PUS10: variants seen among roughly 807,000 people sequenced by gnomAD.
The protein encoded by PUS10 is pseudouridine synthase 10, also known as tRNA pseudouridine synthase Pus10.
A neutral mutation model predicts 75.0 loss-of-function variants in PUS10; 59 were observed. That is an observed-to-expected ratio of 0.79 (90% CI 0.64 to 0.98). The LOEUF (loss-of-function observed/expected upper bound fraction) is 0.98, where lower values mean the gene tolerates loss of function less well. Ranked by LOEUF, PUS10 falls within the 50% of genes least tolerant of loss-of-function variation. The pLI is 0.00. For missense variants in PUS10, 650 were observed against 614.4 expected, an observed-to-expected ratio of 1.06 and a Z score of -0.61; for synonymous variants, 219 against 211.6, an observed-to-expected ratio of 1.03 and a Z score of -0.30.
chr2:60,997,523 T>C (rs1291216879), intron 4 of PUS10, among the ~76,000 whole-genome samples: 54 of 144,340 alleles, frequency 3.7e-4, no homozygotes, highest in African/African-American at 2.6e-5. Flanking sequence ...GGCAGGAGAA[T>C]GGCGTGAACC....
rs753678972 is a variant in PUS10 at position 60,953,160 on chromosome 2, CA to C, written c.1191-47del. The stretch of plus-strand genomic sequence containing the variant: ...GAAGTTTGTCCAAATAAACAAAATA[CA>C]AAAAAACCTTGCCCTGAATTAGCCT... On this transcript the variant is annotated intron_variant, in intron 14 of 17. Transcript: ENST00000316752. 1.5e-5 allele frequency: 16 copies of C among 1,047,060 alleles called. No homozygotes were observed. In the South Asian group the frequency reaches 1.7e-4, roughly 11 times the overall value. The allele number at this position is 1,047,060 out of a possible 1,614,324, so 64.9% of individuals were successfully genotyped here. A position where few individuals can be genotyped will look rare whatever the true frequency, so the allele number is the denominator to read the frequency against.
chr2:60,955,286 G>A (rs931670850), intron 11 of PUS10, among the ~76,000 whole-genome samples: 2 of 151,786 alleles, frequency 1.3e-5, no homozygotes, highest in Admixed American at 6.6e-5. Flanking sequence ...TATATGCCAG[G>A]CATTGGACTA....
Position 61,018,010 on chromosome 2 carries a change from G to T in PUS10, c.-18C>A. On this transcript the variant is annotated splice_region_variant and 5_prime_UTR_variant, in exon 1 of 18. In the 5' UTR this introduces an upstream ATG that the reference lacks. Transcript: ENST00000316752. ...CGAGGTGGAGCTGGGGCGCTTACCA[G>T]TGGGGACTTTAGTGTCTCACAGCTG... 1.5e-6 allele frequency: 2 copies of T among 1,364,612 alleles called. No homozygotes were observed. Among genetic ancestry groups the T allele is most frequent in the East Asian group, 5.0e-5 (2 of 39,968 alleles). The allele number at this position is 1,364,612 out of a possible 1,614,324, so 84.5% of individuals were successfully genotyped here.
At chr2:60,980,793 A>G in intron 4 of PUS10, among the ~76,000 whole-genome samples, 1 of 152,262 alleles carries the variant, frequency 6.6e-6, no homozygotes, top group East Asian at 1.9e-4. Context: ...TATTCAAAGA[A>G]GATTTAAAGA....
intron 4 of PUS10, among the ~76,000 whole-genome samples, chr2:60,998,595 C>T (rs981171180): frequency 2.6e-5 from 4 of 151,716 alleles, no homozygotes; most frequent in Admixed American, 1.3e-4. Flanking sequence ...GAGGCTGAAG[C>T]GGGAGAATCG....
intron 4 of PUS10, among the ~76,000 whole-genome samples, chr2:60,990,689 G>A (rs1331873945): frequency 6.6e-6 from 1 of 152,180 alleles, no homozygotes; most frequent in Non-Finnish European, 1.5e-5. Flanking sequence ...CCTCTCTGGA[G>A]GAGAACATTA....
intron 5 of PUS10, among the ~76,000 whole-genome samples, chr2:60,967,889 A>T (rs1450810644): frequency 6.6e-6 from 1 of 152,122 alleles, no homozygotes; most frequent in Non-Finnish European, 1.5e-5. Flanking sequence ...GGTTTTTCTA[A>T]GCTAGAATTG....
rs573252291 is a variant in PUS10 at position 60,964,809 on chromosome 2, C to T, written c.723+249G>A. 3.0e-4 allele frequency among the ~76,000 whole-genome samples: 45 copies of T among 152,284 alleles called. No homozygotes were observed. The South Asian group carries it at 8.3e-3, about 28-fold the overall frequency. On this transcript the variant is annotated intron_variant, in intron 8 of 17. Transcript: ENST00000316752. ...ACTGAAACACTGATTCTAAATTTAA[C>T]ATCGTCAGGGGAACAATCTAGACAC...
chr2:60,968,518 T>C (rs1327166489), intron 5 of PUS10, among the ~76,000 whole-genome samples: 3 of 152,044 alleles, frequency 2.0e-5, no homozygotes, highest in Non-Finnish European at 4.4e-5. Context: ...TTACTCCTTA[T>C]AGGCAACATC....
intron 4 of PUS10, among the ~76,000 whole-genome samples, chr2:60,981,604 T>G (rs1677398956): frequency 6.6e-6 from 1 of 152,254 alleles, no homozygotes; most frequent in African/African-American, 2.4e-5. Flanking sequence ...ATTAATTCAT[T>G]AAAAATTAAT....
chr2:60,957,931 T>C (rs1573402230), intron 11 of PUS10, among the ~76,000 whole-genome samples: 1 of 152,262 alleles, frequency 6.6e-6, no homozygotes, highest in Non-Finnish European at 1.5e-5. Flanking sequence ...GTGAGGCACA[T>C]TAGGTGATCA....
chr2:60,955,970 A>G (rs762249685), intron 11 of PUS10, among the ~76,000 whole-genome samples: 43 of 152,204 alleles, frequency 2.8e-4, no homozygotes, highest in Non-Finnish European at 5.3e-4. Flanking sequence ...TAAGAAGCAA[A>G]TTCATTATAT....
At chr2:61,008,207 G>T (rs1420171341) in intron 3 of PUS10, among the ~76,000 whole-genome samples, 1 of 151,724 alleles carries the variant, frequency 6.6e-6, no homozygotes, top group Non-Finnish European at 1.5e-5. Context: ...GTAACATAGG[G>T]AGATCCTGCC....
intron 9 of PUS10, among the ~76,000 whole-genome samples, chr2:60,962,449 CTAT>C (rs2104344401): frequency 6.6e-6 from 1 of 152,198 alleles, no homozygotes; most frequent in South Asian, 2.1e-4. Flanking sequence ...TGGTGCATGC[CTAT>C]AATCCCAGCT....
At chr2:60,991,069 G>A (rs1275355498) in intron 4 of PUS10, among the ~76,000 whole-genome samples, 1 of 151,920 alleles carries the variant, frequency 6.6e-6, no homozygotes, top group East Asian at 1.9e-4. Flanking sequence ...TGTAGAGACG[G>A]AGTCTCTCTA....
chr2:61,000,583 A>C (rs1323597536), intron 4 of PUS10, among the ~76,000 whole-genome samples: 3 of 152,156 alleles, frequency 2.0e-5, no homozygotes, highest in Non-Finnish European at 4.4e-5. Flanking sequence ...TCCTTGGCTC[A>C]TGGCTCCCTT....
intron 4 of PUS10, among the ~76,000 whole-genome samples, chr2:60,993,636 A>C (rs1163004118): frequency 1.3e-5 from 2 of 152,164 alleles, no homozygotes; most frequent in Admixed American, 1.3e-4. Flanking sequence ...TAGTCTAGAA[A>C]ACAGATTCCA....
intron 4 of PUS10, among the ~76,000 whole-genome samples, chr2:61,005,307 G>A (rs1409095888): frequency 6.6e-6 from 1 of 151,894 alleles, no homozygotes; most frequent in Non-Finnish European, 1.5e-5. Flanking sequence ...TTTCTAATAC[G>A]GAATATAAAT....
At chr2:60,946,920 C>G (rs1674980139) in intron 16 of PUS10, among the ~76,000 whole-genome samples, 1 of 152,070 alleles carries the variant, frequency 6.6e-6, no homozygotes, top group Non-Finnish European at 1.5e-5. Flanking sequence ...TATTTTGTCA[C>G]TTCATGCTAT....
Sources: allele counts gnomAD v4.1 joint callset (sites outside exome capture counted in the v4.1 genomes callset), GRCh38; gene constraint gnomAD v4.1.1; transcripts MANE v1.5; gene names NCBI Gene and HGNC (gene_info 2026-07-23, HGNC 2026-07-21).